Variants in NDST1 observed in about 807,000 individuals in gnomAD.
The protein encoded by NDST1 is bifunctional heparan sulfate N-deacetylase/N-sulfotransferase 1.
In NDST1, 35 loss-of-function variants were observed where a neutral mutation model predicts 92.8. The ratio of observed to expected loss-of-function variants is 0.38; its 90% CI spans 0.29 to 0.50. The LOEUF is 0.50. Among genes scored for constraint, NDST1 ranks in the 20% least tolerant of loss-of-function variants. The probability of loss-of-function intolerance (pLI) is 0.94; values close to 1 mark genes in which losing one functional copy is unlikely to be tolerated. For synonymous variants in NDST1, 493 were observed against 500.3 expected, an observed-to-expected ratio of 0.99 and a Z score of 0.19; for missense variants, 822 against 1,182.7, an observed-to-expected ratio of 0.69 and a Z score of 4.47.
intron 3 of NDST1, among the ~76,000 whole-genome samples, chr5:150,531,501 T>C (rs1194262789): frequency 1.5e-5 from 1 of 65,542 alleles, no homozygotes; most frequent in Non-Finnish European, 4.6e-5. Flanking sequence ...TTTTTCTCTC[T>C]TTTTTTTTTT....
upstream of NDST1, among the ~76,000 whole-genome samples, chr5:150,504,046 C>T (rs1753344778): frequency 6.6e-6 from 1 of 152,250 alleles, no homozygotes; most frequent in Middle Eastern, 3.4e-3. Context: ...GGTGCTTGCT[C>T]CAGCAGAGCC....
intron 3 of NDST1, among the ~76,000 whole-genome samples, chr5:150,529,454 C>T (rs2151280764): frequency 6.6e-6 from 1 of 150,644 alleles, no homozygotes; most frequent in East Asian, 1.9e-4. Context: ...CTTTGCAGAC[C>T]ACAAGATTTT....
intron 1 of NDST1, among the ~76,000 whole-genome samples, chr5:150,498,731 C>T (rs1753105175): frequency 6.6e-6 from 1 of 152,198 alleles, no homozygotes; most frequent in Admixed American, 6.5e-5. Context: ...CCTCAAGCTC[C>T]AGGGATGAAA....
intron 1 of NDST1, chr5:150,518,748 GCC>G (rs1754102624): frequency 6.6e-6 from 1 of 151,728 alleles, no homozygotes; most frequent in South Asian, 2.1e-4. Context: ...GTAAATGGCT[GCC>G]TAGGATTTCA....
chr5:150,522,904 C>T (rs1327684986), intron 2 of NDST1, among the ~76,000 whole-genome samples: 2 of 152,206 alleles, frequency 1.3e-5, no homozygotes, highest in Admixed American at 1.3e-4. Flanking sequence ...ACGTTAAGTG[C>T]ACGAGTCCTA....
rs754857873 is a variant in NDST1 at position 150,548,305 on chromosome 5, C to T, written c.2233C>T (p.Arg745Cys). 4.3e-6 allele frequency: 7 copies of T among 1,614,008 alleles called. No individual in the cohort carries two copies. The highest frequency in any genetic ancestry group is 2.7e-5 in the African/African-American group (2 of 74,938). ...TAGSDASSKL[R>C]ALQNRCLVPG... ...CGGCTCTGACGCATCCTCGAAGCTG[C>T]GTGCCCTCCAGAACCGCTGCCTGGT... Residue 745 changes from arginine to cysteine, a missense_variant, in exon 12 of 15, where the codon CGT becomes TGT. Coordinates refer to ENST00000261797, the MANE Select transcript of NDST1 (RefSeq NM_001543.5).
chr5:150,543,064 T>C, intron 10 of NDST1, 93 bp downstream of exon 10: 2 of 1,522,098 alleles, frequency 1.3e-6, no homozygotes, highest in South Asian at 1.1e-5. Flanking sequence ...CAGCTGGAGC[T>C]TGCTCACACA....
At chr5:150,501,820 C>T (rs972734568) in intron 1 of NDST1, among the ~76,000 whole-genome samples, 3 of 152,140 alleles carry the variant, frequency 2.0e-5, no homozygotes, top group African/African-American at 7.2e-5. Context: ...AAAAATAAAA[C>T]TGGCTTGTGG....
At chr5:150,543,389 C>T (rs746303786) in intron 10 of NDST1, among the ~76,000 whole-genome samples, 10 of 152,132 alleles carry the variant, frequency 6.6e-5, no homozygotes, top group African/African-American at 1.9e-4. Flanking sequence ...GGTCTTTGGG[C>T]GTCACTTGGG....
In NDST1 at chr5:150,523,443, C is replaced by T. The variant is rs373793548; in HGVS notation, c.513+1676C>T. Among the ~76,000 whole-genome samples the T allele has an allele frequency of 1.8e-3, 281 of 152,366 alleles. 4 individuals are homozygous for T. In the South Asian group the frequency reaches 0.034, roughly 18 times the overall value. ...TACATGCGTTGTGCAGATTCACGCACTTCACACGAAGGCAGGTGGCTAGCA... is the reference window on the plus strand; with the variant it reads ...TACATGCGTTGTGCAGATTCACGCATTTCACACGAAGGCAGGTGGCTAGCA... On this transcript the variant is annotated intron_variant, in intron 2 of 14. Transcript: ENST00000261797.
intron 8 of NDST1, among the ~76,000 whole-genome samples, chr5:150,541,274 G>A (rs929878694): frequency 1.3e-5 from 2 of 152,176 alleles, no homozygotes. Flanking sequence ...TTTATAGGAA[G>A]CGTTTCTTGA....
At chr5:150,518,005 C>T (rs1206740527) in intron 1 of NDST1, among the ~76,000 whole-genome samples, 2 of 152,204 alleles carry the variant, frequency 1.3e-5, no homozygotes, top group African/African-American at 2.4e-5. Flanking sequence ...AAATGGGACA[C>T]CTGGGTACCC....
In NDST1 at chr5:150,501,275, G is replaced by A. The variant is rs1057253203; in HGVS notation, c.-388+3036G>A. Among the ~76,000 whole-genome samples, 4 of 152,158 alleles carry A rather than the reference G, an allele frequency of 2.6e-5. No individual in the cohort carries two copies. The East Asian group carries it at 7.7e-4, about 29-fold the overall frequency. On this transcript the variant is annotated intron_variant, in intron 1 of 1. Coordinates refer to the NDST1 transcript ENST00000518299. ...CTCCCTCCTCTGCCTCCTCTTGCTG[G>A]GAGCATGGGGTAGGCAGCCTTGGAT...
intron 14 of NDST1, among the ~76,000 whole-genome samples, chr5:150,552,992 G>A (rs1017791464): frequency 2.0e-5 from 3 of 151,956 alleles, no homozygotes; most frequent in Non-Finnish European, 2.9e-5. Context: ...GATTACTGGC[G>A]CCCACCACCT....
At chr5:150,529,390 C>CAAAAA (rs11418788) in intron 3 of NDST1, among the ~76,000 whole-genome samples, 1 of 65,160 alleles carries the variant, frequency 1.5e-5, no homozygotes, top group African/African-American at 5.9e-5. Context: ...GACCCTGTCT[C>CAAAAA]AAAAAAAAAA....
intron 6 of NDST1, among the ~76,000 whole-genome samples, chr5:150,538,654 G>A (rs1407939348): frequency 1.3e-5 from 2 of 152,160 alleles, no homozygotes; most frequent in Non-Finnish European, 2.9e-5. Context: ...GGCAAGGTTT[G>A]TACATTTGTC....
chr5:150,503,557 G>A (rs1257645027), upstream of NDST1, among the ~76,000 whole-genome samples: 1 of 152,224 alleles, frequency 6.6e-6, no homozygotes, highest in Non-Finnish European at 1.5e-5. Flanking sequence ...GGCAGGTAAG[G>A]GGCTTGGCCT....
chr5:150,520,926 T>A lies in NDST1; in HGVS notation c.-329T>A. 1 of 527,648 alleles carries A rather than the reference T, an allele frequency of 1.9e-6. No individual in the cohort carries two copies. Among genetic ancestry groups the A allele is most frequent in the Non-Finnish European group, 3.3e-6 (1 of 300,810 alleles). 32.7% of individuals were successfully genotyped at this position (527,648 alleles called of 1,614,324 possible). ...ATGCAGCACCCCCGGGCCTGTCCAG[T>A]GTCCTCTGGCCTGCTGCCCTGCACC... On this transcript the variant is annotated 5_prime_UTR_variant, in exon 2 of 15. Transcript: ENST00000261797.
chr5:150,505,230 C>T (rs530198096), upstream of NDST1, among the ~76,000 whole-genome samples: 16 of 152,294 alleles, frequency 1.1e-4, no homozygotes, highest in African/African-American at 2.6e-4. Context: ...AGTGCCCACA[C>T]GGACTTCCCC....
Sources: gnomAD v4.1 joint callset for allele counts (sites outside exome capture counted in the v4.1 genomes callset) on GRCh38, gnomAD v4.1.1 for gene constraint, MANE v1.5 for transcripts, NCBI Gene and HGNC (gene_info 2026-07-23, HGNC 2026-07-21) for gene names.